SCTR: variants seen among roughly 807,000 people sequenced by gnomAD.
The protein encoded by SCTR is secretin receptor.
In SCTR, 56 loss-of-function variants were observed where a neutral mutation model predicts 60.8. The ratio of observed to expected loss-of-function variants is 0.92; its 90% CI spans 0.74 to 1.15. SCTR has a LOEUF of 1.15. Among genes scored for constraint, SCTR ranks in the 50% most tolerant of loss-of-function variants. The pLI is 0.00. For missense variants in SCTR, 562 were observed against 550.4 expected, an observed-to-expected ratio of 1.02 and a Z score of -0.21; for synonymous variants, 202 against 217.0, an observed-to-expected ratio of 0.93 and a Z score of 0.61.
intron 2 of SCTR, among the ~76,000 whole-genome samples, chr2:119,480,319 G>C (rs1677542597): frequency 6.6e-6 from 1 of 152,324 alleles, no homozygotes; most frequent in African/African-American, 2.4e-5. Flanking sequence ...AAAGAGCAAA[G>C]GGACTTCTTA....
At chr2:119,480,303 A>G (rs1265134752) in intron 2 of SCTR, among the ~76,000 whole-genome samples, 1 of 152,230 alleles carries the variant, frequency 6.6e-6, no homozygotes, top group Non-Finnish European at 1.5e-5. Context: ...ATGGTGGAAG[A>G]CGAAGAAAGA....
chr2:119,518,130 A>G (rs1679171484), intron 1 of SCTR, among the ~76,000 whole-genome samples: 1 of 152,150 alleles, frequency 6.6e-6, no homozygotes, highest in Non-Finnish European at 1.5e-5. Context: ...GGGGATCTTG[A>G]TCTCACACTT....
At chr2:119,455,552 A>T (rs1390186205) in intron 7 of SCTR, among the ~76,000 whole-genome samples, 1 of 152,220 alleles carries the variant, frequency 6.6e-6, no homozygotes, top group Non-Finnish European at 1.5e-5. Flanking sequence ...CACAAACAGG[A>T]TGCTGTCAAC....
At chr2:119,509,891 A>G (rs140773370) in intron 1 of SCTR, among the ~76,000 whole-genome samples, 69 of 152,198 alleles carry the variant, frequency 4.5e-4, no homozygotes, top group African/African-American at 1.6e-3. Flanking sequence ...TACCTCACAT[A>G]AATGAATCAC....
At chr2:119,476,785 C>T (rs1677338126) in intron 3 of SCTR, 1 of 152,336 alleles carries the variant, frequency 6.6e-6, no homozygotes, top group African/African-American at 2.4e-5. Context: ...GGAGAAAAAC[C>T]CGGTCAGCTG....
intron 1 of SCTR, among the ~76,000 whole-genome samples, chr2:119,523,697 G>T (rs1404695240): frequency 6.6e-6 from 1 of 152,018 alleles, no homozygotes; most frequent in Non-Finnish European, 1.5e-5. Flanking sequence ...TTTCTGACTT[G>T]CAGCAAGAAT....
In SCTR at chr2:119,494,476, G is replaced by T. The variant is rs753444220; in HGVS notation, c.145C>A (p.Leu49Ile). 2 of 1,613,996 alleles carry T rather than the reference G, an allele frequency of 1.2e-6. No individual in the cohort carries two copies. The highest frequency in any genetic ancestry group is 1.7e-6 in the Non-Finnish European group (2 of 1,179,926). The change falls in exon 2 of 13, where the codon CTC becomes ATC. Residue 49 changes from leucine to isoleucine, a missense_variant. By Grantham distance (5) the Leu-to-Ile change is conservative. Transcript: ENST00000019103. ...AGGTCTCCTGTCTGCTCTCTGGAGA[G>T]TTCCTGCAGGCACTGGTCTTGCTCT... Reference protein sequence around the residue: ...WEEQDQCLQELSREQTGDLGT... With the variant: ...WEEQDQCLQEISREQTGDLGT...
At chr2:119,515,660 T>G (rs1679087516) in intron 1 of SCTR, among the ~76,000 whole-genome samples, 1 of 152,316 alleles carries the variant, frequency 6.6e-6, no homozygotes, top group South Asian at 2.1e-4. Context: ...GCCTTGGATT[T>G]TAGAACTTGC....
At chr2:119,482,373 G>A (rs1359243076) in intron 2 of SCTR, among the ~76,000 whole-genome samples, 1 of 152,214 alleles carries the variant, frequency 6.6e-6, no homozygotes, top group East Asian at 1.9e-4. Context: ...GCCTGTGGGG[G>A]CTTTGGAGGC....
At chr2:119,509,070 T>G (rs1678851674) in intron 1 of SCTR, among the ~76,000 whole-genome samples, 1 of 152,238 alleles carries the variant, frequency 6.6e-6, no homozygotes, top group Non-Finnish European at 1.5e-5. Flanking sequence ...GAGGTGTACT[T>G]CTTTGCTTGG....
chr2:119,503,551 A>G (rs11687793), intron 1 of SCTR, among the ~76,000 whole-genome samples: 78,812 of 151,922 alleles, frequency 0.52, 21,028 homozygotes, highest in South Asian at 0.59. Flanking sequence ...TAAATTACAT[A>G]CTATATAATC....
At chr2:119,442,722 T>C (rs1019668502) in intron 11 of SCTR, among the ~76,000 whole-genome samples, 15 of 152,110 alleles carry the variant, frequency 9.9e-5, no homozygotes, top group African/African-American at 3.4e-4. Flanking sequence ...TGCTGCACAT[T>C]AGAATCACCT....
rs538364228 is a variant in SCTR, at chr2:119,517,908, G to T, written c.72+6247C>A. ...CCCTACCCCCAGGGTGGCTGTATTTGGAGGTAGGGCCCATAAGGAGGTAAT... is the reference window on the plus strand; with the variant it reads ...CCCTACCCCCAGGGTGGCTGTATTTTGAGGTAGGGCCCATAAGGAGGTAAT... On this transcript the variant is annotated intron_variant, in intron 1 of 12. Transcript: ENST00000019103. 1.4e-3 allele frequency among the ~76,000 whole-genome samples: 218 copies of T among 152,286 alleles called. 2 individuals are homozygous for T. Among genetic ancestry groups the T allele is most frequent in the African/African-American group, 5.0e-3 (209 of 41,562 alleles).
intron 7 of SCTR, among the ~76,000 whole-genome samples, chr2:119,460,258 A>G (rs1683549630): frequency 6.6e-6 from 1 of 152,080 alleles, no homozygotes. Flanking sequence ...AGAAACCAAA[A>G]GAAGCTAATG....
At chr2:119,461,064 G>A (rs1327796730) in intron 7 of SCTR, among the ~76,000 whole-genome samples, 2 of 152,182 alleles carry the variant, frequency 1.3e-5, no homozygotes, top group East Asian at 1.9e-4. Flanking sequence ...CCGATGTTAC[G>A]AAAGGCAAAG....
chr2:119,473,650 C>T (rs1430351977), intron 3 of SCTR, 94 bp from the exon 4 acceptor site: 1 of 805,766 alleles, frequency 1.2e-6, no homozygotes, highest in Non-Finnish European at 2.2e-6. Flanking sequence ...GCTACAACCA[C>T]TCTATAGTGT....
At chr2:119,468,964 G>A (rs1683950003) in intron 4 of SCTR, among the ~76,000 whole-genome samples, 1 of 152,110 alleles carries the variant, frequency 6.6e-6, no homozygotes, top group Non-Finnish European at 1.5e-5. Context: ...AAAGGAGGTA[G>A]ATTTTGACTC....
intron 2 of SCTR, among the ~76,000 whole-genome samples, chr2:119,481,203 G>A (rs185744407): frequency 4.6e-5 from 7 of 152,366 alleles, no homozygotes; most frequent in Non-Finnish European, 8.8e-5. Flanking sequence ...CAGACATTGC[G>A]GGAGTACCCA....
At chr2:119,507,053 A>G (rs1678762877) in intron 1 of SCTR, among the ~76,000 whole-genome samples, 3 of 152,238 alleles carry the variant, frequency 2.0e-5, no homozygotes. Context: ...ATTTCTTACA[A>G]CTGCATGTTA....
Sources: gnomAD v4.1 joint callset for allele counts (sites outside exome capture counted in the v4.1 genomes callset) on GRCh38, gnomAD v4.1.1 for gene constraint, MANE v1.5 for transcripts, NCBI Gene and HGNC (gene_info 2026-07-23, HGNC 2026-07-21) for gene names.